Variants in RCAN2 observed in about 807,000 individuals in gnomAD.
The protein encoded by RCAN2 is calcipressin-2.
RCAN2 carries 9 observed loss-of-function variants against 23.6 expected under a neutral mutation model. That is an observed-to-expected ratio of 0.38 (90% confidence interval 0.23 to 0.67). The LOEUF is 0.67. Among genes scored for constraint, RCAN2 ranks in the 30% least tolerant of loss-of-function variants. RCAN2 has a pLI of 0.51. For missense variants in RCAN2, 273 were observed against 302.3 expected, an observed-to-expected ratio of 0.90 and a Z score of 0.72; for synonymous variants, 109 against 115.7, an observed-to-expected ratio of 0.94 and a Z score of 0.37.
At chr6:46,388,070 A>G (rs1476897116) in intron 2 of RCAN2, among the ~76,000 whole-genome samples, 1 of 148,376 alleles carries the variant, frequency 6.7e-6, no homozygotes, top group Non-Finnish European at 1.5e-5. Context: ...ACTTGGACCC[A>G]GGAAGGGGAA....
At chr6:46,396,072 G>A (rs1296202974) in intron 2 of RCAN2, among the ~76,000 whole-genome samples, 5 of 152,114 alleles carry the variant, frequency 3.3e-5, no homozygotes, top group Admixed American at 6.6e-5. Context: ...TTAGGTAGAC[G>A]AAATTCTGCG....
intron 2 of RCAN2, among the ~76,000 whole-genome samples, chr6:46,391,546 T>C (rs929456069): frequency 1.3e-5 from 2 of 152,146 alleles, no homozygotes; most frequent in African/African-American, 4.8e-5. Context: ...TGCCATTTGT[T>C]TTCTCCTTTA....
At chr6:46,322,514 G>A (rs1297774617) in intron 2 of RCAN2, among the ~76,000 whole-genome samples, 1 of 152,218 alleles carries the variant, frequency 6.6e-6, no homozygotes, top group East Asian at 1.9e-4. Context: ...GGAGGATGAG[G>A]CTTTCTGTGT....
rs1768004868 is a variant in RCAN2 at position 46,455,814 on chromosome 6, AC to A, written c.225+937del. On this transcript the variant is annotated intron_variant, in intron 2 of 4. Transcript: ENST00000371374. ...GGAGCTGGCAGTGAGCCGAGATTGC[AC>A]CACTGCACTCCAGCCTGGGCAACAG... is the stretch of plus-strand genomic sequence containing the variant. 2.7e-5 allele frequency among the ~76,000 whole-genome samples: 4 copies of A among 150,754 alleles called. No homozygotes were observed. The Admixed American group carries it at 2.7e-4, about 10-fold the overall frequency.
At chr6:46,487,838 A>G (rs910472175) in intron 1 of RCAN2, among the ~76,000 whole-genome samples, 17 of 152,214 alleles carry the variant, frequency 1.1e-4, no homozygotes, top group Admixed American at 3.9e-4. Context: ...AAGTATTTCT[A>G]TCCTCTAAGT....
Position 46,231,186 on chromosome 6 carries a change from A to G in RCAN2, c.572-7885T>C, listed in dbSNP as rs184067102. ...CAATACGACTAGCACCCTTATAGAA[A>G]AAGGAAGTTTGGACATTGACATATA... On this transcript the variant is annotated intron_variant, in intron 4 of 4. Coordinates refer to ENST00000371374, the MANE Select transcript of RCAN2 (RefSeq NM_001251974.2). Among the ~76,000 whole-genome samples the G allele has an allele frequency of 3.2e-3, 480 of 152,294 alleles. 1 individual carries two copies. The highest frequency in any genetic ancestry group is 5.4e-3 in the Non-Finnish European group (365 of 68,028).
chr6:46,238,313 A>C (rs1766179461), intron 4 of RCAN2, among the ~76,000 whole-genome samples: 2 of 152,144 alleles, frequency 1.3e-5, no homozygotes, highest in South Asian at 4.1e-4. Flanking sequence ...TATGCCTGTG[A>C]CAACTCTTTG....
At chr6:46,418,150 A>G (rs1766764391) in intron 2 of RCAN2, among the ~76,000 whole-genome samples, 1 of 152,182 alleles carries the variant, frequency 6.6e-6, no homozygotes, top group Non-Finnish European at 1.5e-5. Flanking sequence ...ACATTATCTT[A>G]ACAAAATATC....
chr6:46,455,744 T>C (rs1442550478), intron 2 of RCAN2, among the ~76,000 whole-genome samples: 1 of 151,330 alleles, frequency 6.6e-6, no homozygotes, highest in Admixed American at 6.6e-5. Flanking sequence ...TAGTCCCAGC[T>C]ACTCAGGAGG....
At chr6:46,302,884 G>A (rs1762947410) in intron 2 of RCAN2, among the ~76,000 whole-genome samples, 1 of 152,116 alleles carries the variant, frequency 6.6e-6, no homozygotes, top group African/African-American at 2.4e-5. Flanking sequence ...GAGGCTCAGG[G>A]GCTTATGTGA....
chr6:46,250,539 T>C (rs1027761432), intron 2 of RCAN2, among the ~76,000 whole-genome samples: 1 of 152,278 alleles, frequency 6.6e-6, no homozygotes. Context: ...AACTCAACCT[T>C]TTCCTCCTCA....
chr6:46,277,084 A>G (rs1292252968), intron 2 of RCAN2, among the ~76,000 whole-genome samples: 1 of 152,260 alleles, frequency 6.6e-6, no homozygotes, highest in African/African-American at 2.4e-5. Context: ...GTTCTATCAA[A>G]AAAGTAATTT....
In RCAN2 at chr6:46,490,984, A is replaced by ACCCCACCCCCGCCACTGC. The variant is rs1250870208; in HGVS notation, c.-3+171_-3+188dup. Reference sequence around the variant, plus strand: ...GGACTGACCACAGATCTGGAGACAAACCCCACCCCCGCCACTGCCCCCACC... The same window carrying ACCCCACCCCCGCCACTGC: ...GGACTGACCACAGATCTGGAGACAAACCCCACCCCCGCCACTGCCCCCACCCCCGCCACTGCCCCCACC... On this transcript the variant is annotated intron_variant, in intron 1 of 4. Coordinates refer to ENST00000371374, the MANE Select transcript of RCAN2 (RefSeq NM_001251974.2). Among the ~76,000 whole-genome samples, 3 of 139,564 alleles carry ACCCCACCCCCGCCACTGC rather than the reference A, an allele frequency of 2.1e-5. No individual in the cohort carries two copies. In the East Asian group the frequency reaches 6.7e-4, roughly 31 times the overall value. 91.6% of individuals were successfully genotyped at this position (139,564 alleles called of 152,430 possible). A position where few individuals can be genotyped will look rare whatever the true frequency, so the allele number is the denominator to read the frequency against.
At chr6:46,336,798 G>A (rs540734155) in intron 2 of RCAN2, among the ~76,000 whole-genome samples, 1 of 152,334 alleles carries the variant, frequency 6.6e-6, no homozygotes, top group Non-Finnish European at 1.5e-5. Flanking sequence ...GGCAATAGGG[G>A]TTGGATTACG....
chr6:46,253,272 T>C (rs1766794971), intron 2 of RCAN2, among the ~76,000 whole-genome samples: 2 of 152,258 alleles, frequency 1.3e-5, no homozygotes, highest in African/African-American at 4.8e-5. Context: ...TAATTTTTGC[T>C]TGAAAGCTCA....
At chr6:46,405,804 C>T (rs947992566) in intron 2 of RCAN2, among the ~76,000 whole-genome samples, 3 of 152,224 alleles carry the variant, frequency 2.0e-5, no homozygotes, top group African/African-American at 4.8e-5. Flanking sequence ...GACTGGGCGC[C>T]GTGGAGCAGG....
chr6:46,397,184 C>T (rs899722127), intron 2 of RCAN2, among the ~76,000 whole-genome samples: 6 of 152,128 alleles, frequency 3.9e-5, no homozygotes, highest in Non-Finnish European at 8.8e-5. Flanking sequence ...TCTAGTGTGA[C>T]TGTTTATGTA....
chr6:46,339,458 T>C (rs1026726931), intron 2 of RCAN2, among the ~76,000 whole-genome samples: 1 of 151,824 alleles, frequency 6.6e-6, no homozygotes, highest in Non-Finnish European at 1.5e-5. Flanking sequence ...AACGGGGGCA[T>C]AGAATGAGGT....
At chr6:46,405,801 C>T (rs916231600) in intron 2 of RCAN2, among the ~76,000 whole-genome samples, 8 of 152,330 alleles carry the variant, frequency 5.3e-5, no homozygotes, top group South Asian at 2.1e-4. Flanking sequence ...TGGGACTGGG[C>T]GCCGTGGAGC....
Sources: allele counts gnomAD v4.1 joint callset (sites outside exome capture counted in the v4.1 genomes callset), GRCh38; gene constraint gnomAD v4.1.1; transcripts MANE v1.5; gene names NCBI Gene and HGNC (gene_info 2026-07-23, HGNC 2026-07-21).